FRRS1: variants seen among roughly 807,000 people sequenced by gnomAD.
FRRS1 encodes ferric reductase 1.
In FRRS1, 51 loss-of-function variants were observed where a neutral mutation model predicts 70.7. That is an observed-to-expected ratio of 0.72 (90% CI 0.58 to 0.91). The LOEUF is 0.91. FRRS1 is among the 40% of genes least tolerant of loss of function. The pLI is 0.00. For missense variants in FRRS1, 672 were observed against 726.0 expected, an observed-to-expected ratio of 0.93 and a Z score of 0.86; for synonymous variants, 225 against 238.7, an observed-to-expected ratio of 0.94 and a Z score of 0.53.
At position 99,708,326 on chromosome 1, in the gene FRRS1, G is replaced by A. The variant is rs965149179; in HGVS notation, c.*702C>T. Among the ~76,000 whole-genome samples, 3 of 151,940 alleles carry A rather than the reference G, an allele frequency of 2.0e-5. No homozygotes were observed. The highest frequency in any genetic ancestry group is 2.9e-5 in the Non-Finnish European group (2 of 67,982). On this transcript the variant is annotated 3_prime_UTR_variant, in exon 17 of 17. Transcript: ENST00000646001. ...AAAATATATTTACCATAGGCTGGGC[G>A]TGGTGGCTCACGCCTGTAATCCCAG...
At chr1:99,758,938 C>G (rs1286969777) in intron 1 of FRRS1, among the ~76,000 whole-genome samples, 1 of 152,116 alleles carries the variant, frequency 6.6e-6, no homozygotes, top group African/African-American at 2.4e-5. Context: ...CTGCAGTACC[C>G]TCAGAATTAC....
intron 1 of FRRS1, among the ~76,000 whole-genome samples, chr1:99,755,480 A>T (rs904052185): frequency 6.6e-6 from 1 of 152,124 alleles, no homozygotes; most frequent in African/African-American, 2.4e-5. Context: ...ATCACTATTT[A>T]ATCGACTTCG....
intron 9 of FRRS1, among the ~76,000 whole-genome samples, chr1:99,726,891 T>C (rs1165856995): frequency 6.6e-6 from 1 of 152,122 alleles, no homozygotes; most frequent in Non-Finnish European, 1.5e-5. Context: ...TTTTTTGTTG[T>C]TGTTTTTTTT....
Position 99,719,598 on chromosome 1 carries a change from A to G in FRRS1, c.1056T>C (p.Tyr352=). Residue 352 remains tyrosine, a synonymous_variant, in exon 10 of 17, where the codon TAT becomes TAC. Transcript: ENST00000646001. ...TGTTCTTTGGAGAGTCTGTCACATCATATTTTTCATAGGTAATCAAAGGTT... is the reference window on the plus strand; with the variant it reads ...TGTTCTTTGGAGAGTCTGTCACATCGTATTTTTCATAGGTAATCAAAGGTT... ...SQQPLITYEK[Y]DVTDSPKNIG... is the part of the protein sequence containing the mutation. 1 of 1,612,108 alleles carries G rather than the reference A, an allele frequency of 6.2e-7. No individual in the cohort carries two copies. Among genetic ancestry groups the G allele is most frequent in the Non-Finnish European group, 8.5e-7 (1 of 1,178,408 alleles).
rs559183735 is a variant in FRRS1 at position 99,748,493 on chromosome 1, T to C, written c.196+80A>G. On this transcript the variant is annotated intron_variant, in intron 3 of 16. Coordinates refer to ENST00000646001, the MANE Select transcript of FRRS1 (RefSeq NM_001361041.2). ...GAAAACAGATTTAAGTGAAATCTTC[T>C]AAATCAAGTAATAATAAAGATTCAA... The C allele has an allele frequency of 1.2e-5, 14 of 1,123,192 alleles. No individual in the cohort carries two copies. In the African/African-American group the frequency reaches 2.0e-4, roughly 16 times the overall value. 69.6% of individuals were successfully genotyped at this position (1,123,192 alleles called of 1,614,324 possible).
chr1:99,756,933 T>C (rs990479602), intron 1 of FRRS1, among the ~76,000 whole-genome samples: 14 of 152,110 alleles, frequency 9.2e-5, no homozygotes, highest in African/African-American at 3.1e-4. Context: ...ACCTAAGATA[T>C]GAGTGAAGCA....
At position 99,710,839 on chromosome 1, in the gene FRRS1, G is replaced by A; in HGVS notation, c.1591C>T (p.Leu531=). 1 of 1,613,900 alleles carries A rather than the reference G, an allele frequency of 6.2e-7. No homozygotes were observed. ...VAWHVGTEVV[L]EVHAYRLSRK... is the part of the protein sequence containing the mutation. ...GAGAGCCGATAAGCATGTACCTCCA[G>A]AACAACCTCAGTCCCAACATGCCAG... The change falls in exon 15 of 17, where the codon CTG becomes TTG. Residue 531 remains leucine (L), a synonymous_variant. Transcript: ENST00000646001.
At chr1:99,748,497 T>C in intron 3 of FRRS1, 76 bp downstream of exon 3, 1 of 1,140,766 alleles carries the variant, frequency 8.8e-7, no homozygotes, top group Non-Finnish European at 1.3e-6. Flanking sequence ...ATCTTCTAAA[T>C]CAAGTAATAA....
Position 99,748,553 on chromosome 1 carries a change from A to C in FRRS1, c.196+20T>G. 1 of 1,583,904 alleles carries C rather than the reference A, an allele frequency of 6.3e-7. No homozygotes were observed. The highest frequency in any genetic ancestry group is 8.6e-7 in the Non-Finnish European group (1 of 1,156,824). On this transcript the variant is annotated intron_variant, in intron 3 of 16. Coordinates refer to ENST00000646001, the MANE Select transcript of FRRS1 (RefSeq NM_001361041.2). ...AAAGAGTGAAATCCAAAATGTAAACAGTTAATCCCAGCACGGTACCTTCAA... is the reference window on the plus strand; with the variant it reads ...AAAGAGTGAAATCCAAAATGTAAACCGTTAATCCCAGCACGGTACCTTCAA...
At chr1:99,762,350 A>T (rs1239607592) in intron 1 of FRRS1, among the ~76,000 whole-genome samples, 1 of 152,208 alleles carries the variant, frequency 6.6e-6, no homozygotes, top group Non-Finnish European at 1.5e-5. Context: ...TAGAATCAAA[A>T]TCAAATGTCA....
intron 9 of FRRS1, among the ~76,000 whole-genome samples, chr1:99,724,557 A>C (rs1654989130): frequency 1.3e-5 from 2 of 152,240 alleles, no homozygotes; most frequent in Non-Finnish European, 2.9e-5. Context: ...CAGAGATTAT[A>C]TGATAGCTTT....
intron 7 of FRRS1, among the ~76,000 whole-genome samples, chr1:99,731,105 A>G (rs1012096): frequency 0.3 from 45,252 of 152,086 alleles, 8,127 homozygotes; most frequent in East Asian, 0.55. Context: ...TAATAGGGGG[A>G]AAAAGAATGA....
chr1:99,764,706 T>C (rs1173507114), intron 1 of FRRS1, among the ~76,000 whole-genome samples: 1 of 152,206 alleles, frequency 6.6e-6, no homozygotes, highest in Non-Finnish European at 1.5e-5. Flanking sequence ...GGACAAATTA[T>C]TTAACCTTAC....
chr1:99,763,612 T>C (rs1311355385), intron 1 of FRRS1, among the ~76,000 whole-genome samples: 1 of 152,150 alleles, frequency 6.6e-6, no homozygotes, highest in African/African-American at 2.4e-5. Flanking sequence ...CTGACACCTG[T>C]AATCCCAGCA....
intron 12 of FRRS1, among the ~76,000 whole-genome samples, chr1:99,714,158 G>T (rs1654406718): frequency 6.6e-6 from 1 of 151,918 alleles, no homozygotes; most frequent in African/African-American, 2.4e-5. Context: ...ACTAGTTTGA[G>T]GTACAAGAAT....
At chr1:99,711,081 C>A (rs1392727429) in intron 14 of FRRS1, 132 bp from the exon 15 acceptor site, 1 of 748,924 alleles carries the variant, frequency 1.3e-6, no homozygotes, top group East Asian at 2.7e-5. Flanking sequence ...ATATCTAAGA[C>A]CAAATAGTTA....
intron 1 of FRRS1, among the ~76,000 whole-genome samples, chr1:99,756,200 C>T (rs959082619): frequency 1.3e-5 from 2 of 152,098 alleles, no homozygotes; most frequent in Non-Finnish European, 2.9e-5. Context: ...TTAATATTCC[C>T]ATTCTGTTGT....
At chr1:99,757,205 T>C (rs898063153) in intron 1 of FRRS1, among the ~76,000 whole-genome samples, 1 of 152,120 alleles carries the variant, frequency 6.6e-6, no homozygotes, top group Non-Finnish European at 1.5e-5. Context: ...CTACATGTTA[T>C]AGATGTGTAT....
At chr1:99,730,260 C>T (rs7528759) in intron 7 of FRRS1, among the ~76,000 whole-genome samples, 75,818 of 151,990 alleles carry the variant, frequency 0.5, 22,804 homozygotes, top group African/African-American at 0.85. Context: ...AGATGGAAGA[C>T]ACTGTAAAGA....
Sources: allele counts gnomAD v4.1 joint callset (sites outside exome capture counted in the v4.1 genomes callset), GRCh38; gene constraint gnomAD v4.1.1; transcripts MANE v1.5; gene names NCBI Gene and HGNC (gene_info 2026-07-23, HGNC 2026-07-21).